Variants in KIAA1217 observed in about 807,000 individuals in gnomAD.
KIAA1217 encodes sickle tail protein homolog.
Under a neutral mutation model 163.9 loss-of-function variants are expected in KIAA1217, and 88 were observed. The ratio of observed to expected loss-of-function variants is 0.54; its 90% CI spans 0.45 to 0.64. The LOEUF is 0.64. KIAA1217 is among the 30% of genes least tolerant of loss of function. The probability of loss-of-function intolerance (pLI) is 0.00; values close to 1 mark genes in which losing one functional copy is unlikely to be tolerated. For missense variants in KIAA1217, 2,372 were observed against 2,475.0 expected, an observed-to-expected ratio of 0.96 and a Z score of 0.88; for synonymous variants, 903 against 923.1, an observed-to-expected ratio of 0.98 and a Z score of 0.39.
chr10:23,804,527 T>C, intron 1 of KIAA1217, among the ~76,000 whole-genome samples: 1 of 152,222 alleles, frequency 6.6e-6, no homozygotes, highest in East Asian at 1.9e-4. Context: ...GGGTAAACTC[T>C]TTCATTTTTT....
In KIAA1217 at chr10:24,502,758, C is replaced by T. The variant is rs533751064; in HGVS notation, c.2001+1213C>T. 1.6e-4 allele frequency among the ~76,000 whole-genome samples: 24 copies of T among 152,132 alleles called. 1 individual carries two copies. The highest frequency in any genetic ancestry group is 9.7e-4 in the East Asian group (5 of 5,158). ...CTGTAATCCCAGCACTTTGGGAGGA[C>T]GAGGCAGGTGGATGACGAGGTCAGG... On this transcript the variant is annotated intron_variant, in intron 9 of 20. Coordinates refer to ENST00000376454, the MANE Select transcript of KIAA1217 (RefSeq NM_019590.5).
chr10:24,090,729 C>T (rs373655624), intron 2 of KIAA1217, among the ~76,000 whole-genome samples: 4 of 151,928 alleles, frequency 2.6e-5, no homozygotes, highest in African/African-American at 7.3e-5. Flanking sequence ...ACTTCACAAT[C>T]GCAGAGCTGC....
chr10:24,002,659 T>A (rs1328811915), intron 1 of KIAA1217, among the ~76,000 whole-genome samples: 1 of 152,138 alleles, frequency 6.6e-6, no homozygotes, highest in African/African-American at 2.4e-5. Flanking sequence ...ATTTTTTAAA[T>A]TTTATTTTGG....
At chr10:23,859,120 G>A (rs1296299064) in intron 1 of KIAA1217, among the ~76,000 whole-genome samples, 7 of 152,188 alleles carry the variant, frequency 4.6e-5, no homozygotes, top group East Asian at 1.9e-4. Context: ...ACCCATATAT[G>A]TATATGTCTT....
At chr10:24,323,609 C>T (rs551298665) in intron 2 of KIAA1217, among the ~76,000 whole-genome samples, 60 of 152,238 alleles carry the variant, frequency 3.9e-4, no homozygotes, top group Middle Eastern at 3.4e-3. Flanking sequence ...ACAGCCTAAT[C>T]GGCTTCTGGC....
In KIAA1217 at chr10:24,234,399, C is replaced by T. The variant is rs986945423; in HGVS notation, c.354+14490C>T. Reference sequence around the variant, plus strand: ...TATATATCGGCCGGGTGCGGTGGCTCATGCCTGTAATCCCAACACTTTGGG... The same window carrying T: ...TATATATCGGCCGGGTGCGGTGGCTTATGCCTGTAATCCCAACACTTTGGG... On this transcript the variant is annotated intron_variant, in intron 2 of 20. Transcript: ENST00000376454. Among the ~76,000 whole-genome samples the T allele has an allele frequency of 6.6e-5, 10 of 152,218 alleles. No homozygotes were observed. The South Asian group carries it at 1.9e-3, about 28-fold the overall frequency.
At chr10:23,868,473 T>C (rs770455395) in intron 1 of KIAA1217, among the ~76,000 whole-genome samples, 104 of 152,136 alleles carry the variant, frequency 6.8e-4, no homozygotes, top group Non-Finnish European at 1.4e-3. Context: ...GTATAGCTCT[T>C]TGTATGGAGA....
intron 2 of KIAA1217, among the ~76,000 whole-genome samples, chr10:24,189,114 AAAAAAG>A (rs1226373987): frequency 6.7e-6 from 1 of 149,700 alleles, no homozygotes; most frequent in African/African-American, 2.4e-5. Context: ...TCAAAAAAAA[AAAAAAG>A]AAAAGAAAAA....
intron 2 of KIAA1217, among the ~76,000 whole-genome samples, chr10:24,165,792 ACT>A (rs1445422970): frequency 6.6e-6 from 1 of 152,246 alleles, no homozygotes; most frequent in Non-Finnish European, 1.5e-5. Flanking sequence ...TGTTTTCAAC[ACT>A]GAGTTCAAAC....
At chr10:23,987,518 T>G (rs1251641324) in intron 1 of KIAA1217, among the ~76,000 whole-genome samples, 3 of 152,096 alleles carry the variant, frequency 2.0e-5, no homozygotes, top group Non-Finnish European at 4.4e-5. Context: ...TTATACATAT[T>G]TATCATGTAC....
intron 1 of KIAA1217, among the ~76,000 whole-genome samples, chr10:23,879,168 G>A (rs929478092): frequency 6.6e-5 from 10 of 152,004 alleles, no homozygotes; most frequent in African/African-American, 2.4e-4. Context: ...GTTCTCAACT[G>A]AGACCCACCT....
chr10:24,480,576 C>A, intron 6 of KIAA1217, among the ~76,000 whole-genome samples: 1 of 152,152 alleles, frequency 6.6e-6, no homozygotes, highest in East Asian at 1.9e-4. Flanking sequence ...AGTATCTACC[C>A]CACAGGATGC....
At chr10:24,021,739 T>G (rs2366598) in intron 2 of KIAA1217, among the ~76,000 whole-genome samples, 2,389 of 151,944 alleles carry the variant, frequency 0.016, 67 homozygotes, top group African/African-American at 0.055. Flanking sequence ...AGGGTGGTAT[T>G]TGTAAAAGAA....
chr10:24,290,021 C>A (rs1281589576), intron 2 of KIAA1217, among the ~76,000 whole-genome samples: 1 of 152,102 alleles, frequency 6.6e-6, no homozygotes, highest in Non-Finnish European at 1.5e-5. Flanking sequence ...TGTAGAGCAA[C>A]AGTTCCGAGT....
At position 23,933,591 on chromosome 10, in the gene KIAA1217, C is replaced by T. The variant is rs191354377; in HGVS notation, c.-320-73634C>T. ...TCTGCACAGCAAAAGAAACTATCATCCAAGTGAGCAGGCACCCTACAGAAT... is the reference window on the plus strand; with the variant it reads ...TCTGCACAGCAAAAGAAACTATCATTCAAGTGAGCAGGCACCCTACAGAAT... On this transcript the variant is annotated intron_variant, in intron 1 of 18. Transcript: ENST00000376462. Among the ~76,000 whole-genome samples, 110 of 152,272 alleles carry T rather than the reference C, an allele frequency of 7.2e-4. 1 individual carries two copies. Among genetic ancestry groups the T allele is most frequent in the African/African-American group, 2.6e-3 (107 of 41,546 alleles).
At chr10:23,942,242 G>C (rs897655726) in intron 1 of KIAA1217, among the ~76,000 whole-genome samples, 1 of 152,148 alleles carries the variant, frequency 6.6e-6, no homozygotes, top group Non-Finnish European at 1.5e-5. Context: ...CATGGATTTG[G>C]AGACTAGCAG....
At chr10:24,321,128 A>C (rs1427058813) in intron 2 of KIAA1217, among the ~76,000 whole-genome samples, 1 of 152,188 alleles carries the variant, frequency 6.6e-6, no homozygotes, top group Non-Finnish European at 1.5e-5. Flanking sequence ...GAAAAAAATA[A>C]AAATAGAATT....
At chr10:23,987,986 A>C (rs1428694141) in intron 1 of KIAA1217, among the ~76,000 whole-genome samples, 1 of 152,212 alleles carries the variant, frequency 6.6e-6, no homozygotes, top group East Asian at 1.9e-4. Context: ...TCTCTCTATC[A>C]ATATTTACCA....
At chr10:23,704,117 TA>T (rs1411081349) in intron 1 of KIAA1217, among the ~76,000 whole-genome samples, 1 of 137,372 alleles carries the variant, frequency 7.3e-6, no homozygotes, top group African/African-American at 2.7e-5. Flanking sequence ...TGCACACACA[TA>T]CACATATATG....
Sources: allele counts gnomAD v4.1 joint callset (sites outside exome capture counted in the v4.1 genomes callset), GRCh38; gene constraint gnomAD v4.1.1; transcripts MANE v1.5; gene names NCBI Gene and HGNC (gene_info 2026-07-23, HGNC 2026-07-21).